PATJ: variants seen among roughly 807,000 people sequenced by gnomAD.
PATJ encodes the protein inaD-like protein.
A neutral mutation model predicts 224.9 loss-of-function variants in PATJ; 190 were observed. The observed-to-expected ratio is 0.84, with a 90% CI of 0.75 to 0.95. The LOEUF (loss-of-function observed/expected upper bound fraction) is 0.95. Among genes scored for constraint, PATJ ranks in the 40% least tolerant of loss-of-function variants. PATJ has a pLI of 0.00. For missense variants in PATJ, 2,121 were observed against 2,270.3 expected (o/e 0.93, Z 1.34); for synonymous variants, 769 against 820.3 (o/e 0.94, Z 1.07).
At chr1:61,991,791 A>C in intron 28 of PATJ, 1 of 962,032 alleles carries the variant, frequency 1.0e-6, no homozygotes, top group Non-Finnish European at 1.2e-6. Context: ...TCATTGCCTC[A>C]GTTTGTTTCC....
chr1:62,013,221 C>G (rs1160239578), intron 28 of PATJ: 1 of 296,854 alleles, frequency 3.4e-6, no homozygotes, highest in African/African-American at 2.3e-5. Context: ...ACCATAGATT[C>G]TATTCTACCA....
At chr1:61,758,761 C>G (rs950264507) in intron 1 of PATJ, among the ~76,000 whole-genome samples, 1 of 146,012 alleles carries the variant, frequency 6.8e-6, no homozygotes, top group Non-Finnish European at 1.6e-5. Flanking sequence ...GTGGGAATCT[C>G]TAGTTTTTGT....
At chr1:61,947,967 G>C (rs1157662415) in intron 27 of PATJ, among the ~76,000 whole-genome samples, 3 of 152,092 alleles carry the variant, frequency 2.0e-5, no homozygotes, top group Admixed American at 2.0e-4. Context: ...ATGGGGAAAG[G>C]ATTCCCTATT....
chr1:62,161,340 T>C lies in PATJ; in HGVS notation c.*286T>C, dbSNP rs925723838. 4.1e-5 allele frequency: 9 copies of C among 217,608 alleles called. No individual in the cohort carries two copies. Among genetic ancestry groups the C allele is most frequent in the African/African-American group, 1.7e-4 (6 of 34,982 alleles). The allele number at this position is 217,608 out of a possible 1,614,324, so 13.5% of individuals were successfully genotyped here. ...TTCAGTGTTCCGATTTCTTTTTTTT[T>C]TTTTTTTTTTTTTTTTGAGACGGAG... On this transcript the variant is annotated 3_prime_UTR_variant, in exon 44 of 44. Coordinates refer to ENST00000642238, the MANE Select transcript of PATJ (RefSeq NM_001350145.3).
chr1:61,948,279 C>A (rs965022885), intron 27 of PATJ, among the ~76,000 whole-genome samples: 20 of 152,126 alleles, frequency 1.3e-4, no homozygotes, highest in Non-Finnish European at 2.9e-5. Context: ...AACAGGCATC[C>A]TACAGAATGG....
rs554028906 is a variant in PATJ at position 61,859,534 on chromosome 1, T to C, written c.2323-2017T>C. ...AGGCATGGATCTTCTCTGAGGTGTC[T>C]CTCTCTCTCTCTCTCCCTCTCTCTC... On this transcript the variant is annotated intron_variant, in intron 18 of 43. Coordinates refer to ENST00000642238, the MANE Select transcript of PATJ (RefSeq NM_001350145.3). 2.5e-4 allele frequency among the ~76,000 whole-genome samples: 38 copies of C among 150,874 alleles called. No individual in the cohort carries two copies. The Middle Eastern group carries it at 0.024, about 96-fold the overall frequency.
intron 14 of PATJ, among the ~76,000 whole-genome samples, chr1:61,812,433 A>AGAGAGAGTGTGTGTGT (rs1397549346): frequency 1.2e-5 from 1 of 85,150 alleles, no homozygotes; most frequent in African/African-American, 4.5e-5. Flanking sequence ...AGAGAGAGAG[A>AGAGAGAGTGTGTGTGT]GTGTGTGTGT....
chr1:62,070,779 C>A (rs985144366), intron 31 of PATJ, among the ~76,000 whole-genome samples: 12 of 152,008 alleles, frequency 7.9e-5, no homozygotes, highest in African/African-American at 2.9e-4. Flanking sequence ...TCTGGCCCCC[C>A]AAAAATCAGT....
intron 3 of PATJ, among the ~76,000 whole-genome samples, chr1:61,763,887 G>A (rs2148301017): frequency 6.6e-6 from 1 of 152,202 alleles, no homozygotes; most frequent in African/African-American, 2.4e-5. Flanking sequence ...CAAACTATTG[G>A]CCTCAAGCAG....
rs201119468 is a variant in PATJ, at chr1:62,023,597, C to G, written c.3959+5650C>G. On this transcript the variant is annotated intron_variant, in intron 29 of 43. Transcript: ENST00000642238. ...GATGCATCTGATGTAGTCTTTGGGGCCCATGGGAAGATATCACAGAGAAAG... is the reference window on the plus strand; with the variant it reads ...GATGCATCTGATGTAGTCTTTGGGGGCCATGGGAAGATATCACAGAGAAAG... Among the ~76,000 whole-genome samples, 33 of 152,148 alleles carry G rather than the reference C, an allele frequency of 2.2e-4. No homozygotes were observed. The East Asian group carries it at 3.7e-3, about 17-fold the overall frequency.
intron 5 of PATJ, among the ~76,000 whole-genome samples, 154 bp from the exon 6 acceptor site, chr1:61,771,275 AAC>A (rs1646591391): frequency 6.6e-6 from 1 of 152,156 alleles, no homozygotes; most frequent in East Asian, 1.9e-4. Flanking sequence ...TTCTGTGAAA[AAC>A]ACTCTGAAGA....
In PATJ at chr1:62,049,243, T is replaced by TCACACACACACACA. The variant is rs60099928; in HGVS notation, c.4033-1698_4033-1685dup. Among the ~76,000 whole-genome samples the TCACACACACACACA allele has an allele frequency of 4.9e-3, 672 of 137,252 alleles. 8 individuals are homozygous for TCACACACACACACA. Among genetic ancestry groups the TCACACACACACACA allele is most frequent in the African/African-American group, 0.017 (616 of 36,284 alleles). 90.0% of individuals were successfully genotyped at this position (137,252 alleles called of 152,430 possible). A position where few individuals can be genotyped will look rare whatever the true frequency, so the allele number is the denominator to read the frequency against. On this transcript the variant is annotated intron_variant, in intron 30 of 43. Transcript: ENST00000642238. The stretch of plus-strand genomic sequence containing the variant: ...AATTCCACTCCCCAGAAGTAAGCAA[T>TCACACACACACACA]CACACACACACACACACACACACAC...
chr1:61,822,443 AAAAG>A (rs1657481615), intron 14 of PATJ, among the ~76,000 whole-genome samples: 1 of 151,210 alleles, frequency 6.6e-6, no homozygotes, highest in Non-Finnish European at 1.5e-5. Context: ...AAAAAAAAAA[AAAAG>A]AAAAGAAAAG....
At chr1:62,067,449 C>T (rs1331335876) in intron 31 of PATJ, among the ~76,000 whole-genome samples, 1 of 151,982 alleles carries the variant, frequency 6.6e-6, no homozygotes, top group South Asian at 2.1e-4. Flanking sequence ...TTTTTGTGGC[C>T]TTTCATTACT....
At chr1:61,877,742 T>G (rs2149040244) in intron 21 of PATJ, among the ~76,000 whole-genome samples, 1 of 152,364 alleles carries the variant, frequency 6.6e-6, no homozygotes, top group African/African-American at 2.4e-5. Context: ...ATGTTTTCTT[T>G]ATAAATTACC....
intron 4 of PATJ, among the ~76,000 whole-genome samples, chr1:61,768,381 A>C (rs982360548): frequency 6.6e-6 from 1 of 150,518 alleles, no homozygotes; most frequent in Non-Finnish European, 1.5e-5. Flanking sequence ...GAGGCAGGAG[A>C]ATGGCGTGAA....
At chr1:61,910,817 G>A (rs1210288527) in intron 25 of PATJ, among the ~76,000 whole-genome samples, 1 of 151,670 alleles carries the variant, frequency 6.6e-6, no homozygotes, top group Non-Finnish European at 1.5e-5. Context: ...AAAGTGTTGG[G>A]ATTACAAGCA....
In PATJ at chr1:62,140,336, T is replaced by A. The variant is rs72677975; in HGVS notation, c.5272-7948T>A. Among the ~76,000 whole-genome samples, 295 of 152,286 alleles carry A rather than the reference T, an allele frequency of 1.9e-3. 3 individuals are homozygous for A. Among genetic ancestry groups the A allele is most frequent in the Non-Finnish European group, 1.6e-3 (111 of 68,028 alleles). ...AGACGATGCTACAGAAGTGTTTTTATACTTTGCAGCTAGACTTTTTAAAAA... is the reference window on the plus strand; with the variant it reads ...AGACGATGCTACAGAAGTGTTTTTAAACTTTGCAGCTAGACTTTTTAAAAA... On this transcript the variant is annotated intron_variant, in intron 41 of 43. Transcript: ENST00000642238.
intron 18 of PATJ, among the ~76,000 whole-genome samples, chr1:61,859,323 C>T (rs958112111): frequency 1.3e-5 from 2 of 152,156 alleles, no homozygotes; most frequent in Non-Finnish European, 2.9e-5. Context: ...TGGAACTTCA[C>T]CCAGGCCTCC....
Sources: allele counts gnomAD v4.1 joint callset (sites outside exome capture counted in the v4.1 genomes callset), GRCh38; gene constraint gnomAD v4.1.1; transcripts MANE v1.5; gene names NCBI Gene and HGNC (gene_info 2026-07-23, HGNC 2026-07-21).